BZW2: variants seen among roughly 807,000 people sequenced by gnomAD.
BZW2 encodes eIF5-mimic protein 1.
BZW2 carries 23 observed loss-of-function variants against 53.2 expected under a neutral mutation model. That is an observed-to-expected ratio of 0.43 (90% CI 0.31 to 0.61). The LOEUF (loss-of-function observed/expected upper bound fraction) is 0.61. BZW2 is among the 20% of genes least tolerant of loss of function. The pLI, the probability that BZW2 is intolerant of heterozygous loss-of-function variation, is 0.09. For synonymous variants in BZW2, 227 were observed against 186.4 expected (o/e 1.22, Z -1.77); for missense variants, 409 against 503.1 (o/e 0.81, Z 1.79).
intron 2 of BZW2, among the ~76,000 whole-genome samples, chr7:16,673,962 C>T (rs1014481413): frequency 1.1e-5 from 1 of 91,662 alleles, no homozygotes; most frequent in African/African-American, 3.0e-5. Flanking sequence ...TGCAATGGCA[C>T]TGTCTCTGCT....
chr7:16,674,587 T>A lies in BZW2; in HGVS notation c.234T>A (p.Leu78=), dbSNP rs770571445. ...LFDILVAGSM[L]APGGTRIDDG... ...ATATCCTGGTGGCTGGCAGTATGCTTGGTAAACCATGCATTATCGCTTCTT... is the reference window on the plus strand; with the variant it reads ...ATATCCTGGTGGCTGGCAGTATGCTAGGTAAACCATGCATTATCGCTTCTT... The change falls in exon 3 of 12, where the codon CTT becomes CTA. Residue 78 remains leucine, a splice_region_variant and synonymous_variant. Coordinates refer to ENST00000258761, the MANE Select transcript of BZW2 (RefSeq NM_014038.3). The A allele has an allele frequency of 6.3e-7, 1 of 1,587,810 alleles. No individual in the cohort carries two copies. The highest frequency in any genetic ancestry group is 1.2e-5 in the South Asian group (1 of 86,264).
chr7:16,703,223 A>G (rs1783726438), intron 10 of BZW2, among the ~76,000 whole-genome samples: 2 of 152,334 alleles, frequency 1.3e-5, no homozygotes, highest in South Asian at 4.1e-4. Flanking sequence ...TAGCTCTTAC[A>G]TCCAGGCTCT....
At chr7:16,704,477 T>C in intron 10 of BZW2, 70 bp from the exon 11 acceptor site, 1 of 1,395,030 alleles carries the variant, frequency 7.2e-7, no homozygotes, top group Non-Finnish European at 9.6e-7. Flanking sequence ...TATTAAACTG[T>C]AATACATGAA....
intron 2 of BZW2, among the ~76,000 whole-genome samples, chr7:16,670,389 A>G (rs975091395): frequency 1.3e-5 from 2 of 152,186 alleles, no homozygotes; most frequent in African/African-American, 4.8e-5. Context: ...TCATTTATCC[A>G]TTTACATTTC....
intron 10 of BZW2, among the ~76,000 whole-genome samples, chr7:16,701,756 G>A (rs1290500761): frequency 1.3e-5 from 2 of 152,058 alleles, no homozygotes; most frequent in South Asian, 2.1e-4. Flanking sequence ...CGATACTATA[G>A]GGCAGGTCTT....
At chr7:16,704,040 A>G (rs1189115337) in intron 10 of BZW2, among the ~76,000 whole-genome samples, 1 of 152,146 alleles carries the variant, frequency 6.6e-6, no homozygotes, top group African/African-American at 2.4e-5. Flanking sequence ...GTTCCTCTTT[A>G]TATCTAATTG....
At chr7:16,649,188 T>G (rs1365120651) in intron 1 of BZW2, among the ~76,000 whole-genome samples, 1 of 152,240 alleles carries the variant, frequency 6.6e-6, no homozygotes, top group Non-Finnish European at 1.5e-5. Context: ...ATTATTAATC[T>G]GTTTGGTCCC....
At chr7:16,696,150 G>T (rs1029188742) in intron 8 of BZW2, 6 of 152,128 alleles carry the variant, frequency 3.9e-5, no homozygotes, top group Non-Finnish European at 7.4e-5. Context: ...GGAAAAAAAA[G>T]GTGTTACTAC....
At chr7:16,701,575 T>C (rs966503543) in intron 10 of BZW2, among the ~76,000 whole-genome samples, 1 of 152,150 alleles carries the variant, frequency 6.6e-6, no homozygotes, top group Non-Finnish European at 1.5e-5. Flanking sequence ...GTGACATAGT[T>C]TCAGACTAAG....
At chr7:16,665,596 A>C in intron 2 of BZW2, 95 bp downstream of exon 2, 142 of 1,541,440 alleles carry the variant, frequency 9.2e-5, no homozygotes, top group Non-Finnish European at 1.1e-4. Context: ...CCCCAGCCTC[A>C]CTGATTCTAC....
chr7:16,693,593 C>G (rs954143642), intron 7 of BZW2, among the ~76,000 whole-genome samples: 6 of 152,126 alleles, frequency 3.9e-5, no homozygotes. Context: ...GGTTTACCGT[C>G]TAGAAAAATG....
chr7:16,650,839 G>A (rs1583695949), intron 1 of BZW2, among the ~76,000 whole-genome samples: 1 of 152,184 alleles, frequency 6.6e-6, no homozygotes, highest in Non-Finnish European at 1.5e-5. Context: ...AATTTGGCGT[G>A]TATTAAGTGA....
intron 1 of BZW2, among the ~76,000 whole-genome samples, chr7:16,646,760 C>G (rs1781875682): frequency 6.6e-6 from 1 of 152,226 alleles, no homozygotes; most frequent in Admixed American, 6.5e-5. Context: ...TACTTGTCAT[C>G]TCTTTGGCCT....
At chr7:16,662,418 G>C (rs933035196) in intron 1 of BZW2, among the ~76,000 whole-genome samples, 1 of 152,112 alleles carries the variant, frequency 6.6e-6, no homozygotes, top group Non-Finnish European at 1.5e-5. Flanking sequence ...TTTATGCTTA[G>C]AAAGGAAGTA....
intron 1 of BZW2, among the ~76,000 whole-genome samples, chr7:16,655,434 T>G (rs1782100084): frequency 6.6e-6 from 1 of 152,210 alleles, no homozygotes. Context: ...TACAGTGTGG[T>G]GTTTCCATAT....
At chr7:16,671,895 C>A (rs113317171) in intron 2 of BZW2, among the ~76,000 whole-genome samples, 17,449 of 137,372 alleles carry the variant, frequency 0.13, 2,005 homozygotes, top group African/African-American at 0.33. Flanking sequence ...TGCGCCACTG[C>A]CCTCCAGCCT....
intron 5 of BZW2, among the ~76,000 whole-genome samples, chr7:16,683,434 C>G (rs890917731): frequency 5.3e-5 from 8 of 152,146 alleles, no homozygotes; most frequent in African/African-American, 1.9e-4. Context: ...GGGCTATAAC[C>G]TCTGACCTTG....
chr7:16,653,323 A>AT (rs936043556), intron 1 of BZW2, among the ~76,000 whole-genome samples: 1 of 151,956 alleles, frequency 6.6e-6, no homozygotes, highest in African/African-American at 2.4e-5. Context: ...CTTTTCCATG[A>AT]TTAAAAATCC....
intron 1 of BZW2, among the ~76,000 whole-genome samples, chr7:16,658,893 A>T (rs1782184559): frequency 6.6e-6 from 1 of 150,812 alleles, no homozygotes; most frequent in Non-Finnish European, 1.5e-5. Context: ...GTATATATAT[A>T]TATATATTTA....
Sources: gnomAD v4.1 joint callset for allele counts (sites outside exome capture counted in the v4.1 genomes callset) on GRCh38, gnomAD v4.1.1 for gene constraint, MANE v1.5 for transcripts, NCBI Gene and HGNC (gene_info 2026-07-23, HGNC 2026-07-21) for gene names.